Variants in ACADM observed in about 807,000 individuals in gnomAD.
ACADM encodes medium-chain specific acyl-CoA dehydrogenase, mitochondrial.
Under a neutral mutation model 58.9 loss-of-function variants are expected in ACADM, and 49 were observed. That is an observed-to-expected ratio of 0.83 (90% CI 0.66 to 1.06). The LOEUF is 1.06. Ranked by LOEUF, ACADM falls within the 50% of genes least tolerant of loss-of-function variation. The pLI, the probability that ACADM is intolerant of heterozygous loss-of-function variation, is 0.00. For synonymous variants in ACADM, 160 were observed against 157.7 expected (o/e 1.01, Z -0.11); for missense variants, 496 against 507.0 (o/e 0.98, Z 0.21).
intron 1 of ACADM, among the ~76,000 whole-genome samples, chr1:75,727,038 C>T (rs1647068015): frequency 1.3e-5 from 2 of 152,040 alleles, no homozygotes; most frequent in South Asian, 2.1e-4. Context: ...CCCCTGACCT[C>T]GTGATCCGCC....
rs767219290 is a variant in ACADM at position 75,744,368 on chromosome 1, C to A, written c.600-1438C>A. The stretch of plus-strand genomic sequence containing the variant: ...TTCCTGAGTGTGAAAAGCGGAGTGC[C>A]TCCTTCGACTTTTCCCCCATCAGGT... On this transcript the variant is annotated intron_variant, in intron 7 of 11. Transcript: ENST00000370841. 2.0e-5 allele frequency: 32 copies of A among 1,571,700 alleles called. 2 individuals are homozygous for A. In the South Asian group the frequency reaches 3.5e-4, roughly 17 times the overall value.
Position 75,738,790 on chromosome 1 carries a change from A to G in ACADM, c.469-1190A>G, listed in dbSNP as rs141300509. On this transcript the variant is annotated intron_variant, in intron 6 of 11. Transcript: ENST00000370841. Reference sequence around the variant, plus strand: ...ACTGTAAGTACCTTAAGGGCAAGTAACTTGTTTCTTTAGTATCCACAGTAC... The same window carrying G: ...ACTGTAAGTACCTTAAGGGCAAGTAGCTTGTTTCTTTAGTATCCACAGTAC... 2.9e-3 allele frequency among the ~76,000 whole-genome samples: 433 copies of G among 151,364 alleles called. 4 individuals carry two copies. Among genetic ancestry groups the G allele is most frequent in the African/African-American group, 0.01 (414 of 41,298 alleles).
chr1:75,744,315 C>T (rs1557453857), intron 7 of ACADM: 1 of 1,613,340 alleles, frequency 6.2e-7, no homozygotes, highest in Non-Finnish European at 8.5e-7. Flanking sequence ...CTTCAGCCGG[C>T]TTGGCCTTAG....
At chr1:75,725,320 T>A (rs1259479665) in intron 1 of ACADM, among the ~76,000 whole-genome samples, 1 of 152,222 alleles carries the variant, frequency 6.6e-6, no homozygotes, top group Non-Finnish European at 1.5e-5. Context: ...CTTAATAGAT[T>A]CTAAATAAGT....
chr1:75,743,765 T>C (rs1647721395), intron 7 of ACADM: 5 of 1,550,904 alleles, frequency 3.2e-6, no homozygotes, highest in Non-Finnish European at 4.5e-6. Flanking sequence ...GCATAATTCA[T>C]AGCTTCCACA....
At chr1:75,759,029 G>A (rs1648673602) in intron 10 of ACADM, among the ~76,000 whole-genome samples, 1 of 152,116 alleles carries the variant, frequency 6.6e-6, no homozygotes, top group Admixed American at 6.6e-5. Flanking sequence ...GGAGGTCCGC[G>A]GCTTCATTCC....
At chr1:75,749,601 T>C (rs1648088850) in intron 9 of ACADM, 42 bp downstream of exon 9, 8 of 1,543,860 alleles carry the variant, frequency 5.2e-6, no homozygotes, top group Non-Finnish European at 6.2e-6. Context: ...ATCTTTTATT[T>C]ATTACATTAA....
At chr1:75,730,506 TCAATAAA>T (rs1647130396) in intron 2 of ACADM, among the ~76,000 whole-genome samples, 1 of 151,898 alleles carries the variant, frequency 6.6e-6, no homozygotes, top group South Asian at 2.1e-4. Flanking sequence ...AAGTAGTTTC[TCAATAAA>T]TAATACATAA....
rs1553123872 is a variant in ACADM at position 75,740,053 on chromosome 1, A to G, written c.542A>G (p.Asp181Gly). Residue 181 changes from aspartate to glycine, a missense_variant, in exon 7 of 12, where the codon GAT becomes GGT. Asp to Gly is a moderately conservative substitution (Grantham distance 94, BLOSUM62 -1). Coordinates refer to ENST00000370841, the MANE Select transcript of ACADM (RefSeq NM_000016.6). ...GIKTKAEKKG[D>G]EYIINGQKMW... ...AAGACCAAAGCAGAAAAGAAAGGAG[A>G]TGAGTATATTATTAATGGTCAGAAG... 6.2e-7 allele frequency: 1 copy of G among 1,612,712 alleles called. No individual in the cohort carries two copies. Among genetic ancestry groups the G allele is most frequent in the Non-Finnish European group, 8.5e-7 (1 of 1,178,942 alleles).
intron 8 of ACADM, among the ~76,000 whole-genome samples, chr1:75,747,098 T>G (rs2100411767): frequency 6.6e-6 from 1 of 152,330 alleles, no homozygotes; most frequent in East Asian, 1.9e-4. Flanking sequence ...AAGAAATTGT[T>G]TTTTATTTGT....
intron 2 of ACADM, among the ~76,000 whole-genome samples, chr1:75,732,084 C>T (rs535305136): frequency 8.6e-5 from 13 of 151,362 alleles, no homozygotes; most frequent in African/African-American, 2.9e-4. Flanking sequence ...GCCAGGAGGT[C>T]GAGGCTACAG....
chr1:75,762,191 A>T (rs1648892845), intron 11 of ACADM, among the ~76,000 whole-genome samples: 1 of 152,182 alleles, frequency 6.6e-6, no homozygotes, highest in African/African-American at 2.4e-5. Context: ...GAGAAGATGA[A>T]CTAACGAATG....
intron 6 of ACADM, among the ~76,000 whole-genome samples, chr1:75,738,619 AAAAT>A (rs1002206630): frequency 2.0e-5 from 3 of 152,138 alleles, no homozygotes; most frequent in African/African-American, 7.2e-5. Flanking sequence ...ATATTTTTAA[AAAAT>A]AAATTGACAT....
intron 11 of ACADM, 79 bp downstream of exon 11, chr1:75,761,449 G>C: frequency 6.7e-7 from 1 of 1,493,538 alleles, no homozygotes; most frequent in Non-Finnish European, 9.3e-7. Context: ...TGATTATTTA[G>C]AAATTTTATG....
intron 8 of ACADM, among the ~76,000 whole-genome samples, chr1:75,749,133 T>A (rs1648058839): frequency 6.6e-6 from 1 of 152,218 alleles, no homozygotes; most frequent in African/African-American, 2.4e-5. Flanking sequence ...GGTTGGCAAA[T>A]TTTTTTGTAA....
At chr1:75,738,819 C>A (rs1196266902) in intron 6 of ACADM, among the ~76,000 whole-genome samples, 1 of 152,078 alleles carries the variant, frequency 6.6e-6, no homozygotes, top group African/African-American at 2.4e-5. Flanking sequence ...ACAGTACCGG[C>A]CACTCTTGAA....
intron 7 of ACADM, chr1:75,745,526 A>G: frequency 3.6e-6 from 1 of 281,118 alleles, no homozygotes; most frequent in Non-Finnish European, 6.2e-6. Flanking sequence ...GTCTTTCAAA[A>G]TATCATATAT....
chr1:75,737,407 G>T (rs187201111), intron 6 of ACADM, among the ~76,000 whole-genome samples: 2 of 148,038 alleles, frequency 1.4e-5, no homozygotes, highest in African/African-American at 5.0e-5. Context: ...GAAAAAAACA[G>T]GCTCATTTAC....
intron 6 of ACADM, among the ~76,000 whole-genome samples, chr1:75,737,980 G>C (rs1449272500): frequency 2.0e-5 from 3 of 151,814 alleles, no homozygotes; most frequent in African/African-American, 7.3e-5. Context: ...GCAGTGGTGT[G>C]ATCTTGGCCC....
Sources: allele counts gnomAD v4.1 joint callset (sites outside exome capture counted in the v4.1 genomes callset), GRCh38; gene constraint gnomAD v4.1.1; transcripts MANE v1.5; gene names NCBI Gene and HGNC (gene_info 2026-07-23, HGNC 2026-07-21).